Variants in ECHDC3 observed in about 807,000 individuals in gnomAD.
ECHDC3 encodes enoyl-CoA hydratase domain-containing protein 3, mitochondrial.
ECHDC3 carries 20 observed loss-of-function variants against 17.9 expected under a neutral mutation model. The ratio of observed to expected loss-of-function variants is 1.12; its 90% CI spans 0.79 to 1.63. The LOEUF (loss-of-function observed/expected upper bound fraction) is 1.63. Among genes scored for constraint, ECHDC3 ranks in the 40% most tolerant of loss-of-function variants. ECHDC3 has a pLI of 0.00. For synonymous variants in ECHDC3, 177 were observed against 149.7 expected (o/e 1.18, Z -1.33); for missense variants, 407 against 357.7 (o/e 1.14, Z -1.11).
chr10:11,760,862 C>G (rs1376371963), intron 4 of ECHDC3, among the ~76,000 whole-genome samples: 2 of 152,222 alleles, frequency 1.3e-5, no homozygotes, highest in Admixed American at 6.5e-5. Flanking sequence ...TTTTTAGCTC[C>G]TGGTTCAACC....
chr10:11,743,309 G>GT (rs1832717583), intron 1 of ECHDC3, among the ~76,000 whole-genome samples: 1 of 152,208 alleles, frequency 6.6e-6, no homozygotes, highest in Admixed American at 6.5e-5. Flanking sequence ...TGCGTACCGT[G>GT]TTTCAGCATG....
chr10:11,754,618 A>C (rs1485969148), intron 3 of ECHDC3, among the ~76,000 whole-genome samples: 1 of 152,088 alleles, frequency 6.6e-6, no homozygotes, highest in East Asian at 1.9e-4. Flanking sequence ...TTTCCACCTC[A>C]ATTTTTCAAG....
chr10:11,755,504 A>G lies in ECHDC3; in HGVS notation c.487A>G (p.Ile163Val). The change falls in exon 4 of 5, where the codon ATT (isoleucine) becomes GTT (valine). Residue 163 changes from isoleucine to valine, a missense_variant. Physicochemically the swap from Ile to Val is conservative, Grantham distance 29. Coordinates refer to ENST00000379215, the MANE Select transcript of ECHDC3 (RefSeq NM_024693.5). ...AGCQLVASCD[I>V]AVASDKSSFA... ...CTGTCAACTGGTTGCCAGCTGCGAC[A>G]TTGCCGTGGCGAGCGACAAGTCCTC... The G allele has an allele frequency of 2.5e-6, 4 of 1,614,068 alleles. No individual in the cohort carries two copies. Among genetic ancestry groups the G allele is most frequent in the Non-Finnish European group, 3.4e-6 (4 of 1,179,998 alleles).
At position 11,742,764 on chromosome 10, in the gene ECHDC3, C is replaced by T. The variant is rs570308078; in HGVS notation, c.170+18C>T. The stretch of plus-strand genomic sequence containing the variant: ...GGCATAAGGTCAGCCCCGGGCCGCG[C>T]GGGCTCCTCGCGTTGGTGCCGAGTC... On this transcript the variant is annotated intron_variant, in intron 1 of 4. Transcript: ENST00000379215. 2,147 of 1,225,114 alleles carry T rather than the reference C, an allele frequency of 1.8e-3. 6 individuals carry two copies. The highest frequency in any genetic ancestry group is 6.3e-3 in the Admixed American group (146 of 23,266). The allele number at this position is 1,225,114 out of a possible 1,614,324, so 75.9% of individuals were successfully genotyped here. A position where few individuals can be genotyped will look rare whatever the true frequency, so the allele number is the denominator to read the frequency against.
chr10:11,746,503 C>T (rs1257108916), intron 1 of ECHDC3, among the ~76,000 whole-genome samples: 1 of 152,062 alleles, frequency 6.6e-6, no homozygotes, highest in African/African-American at 2.4e-5. Context: ...CCTTTGTCAT[C>T]CACAAAGGAT....
At chr10:11,761,953 C>A (rs1564286169) in intron 4 of ECHDC3, among the ~76,000 whole-genome samples, 1 of 152,076 alleles carries the variant, frequency 6.6e-6, no homozygotes, top group Non-Finnish European at 1.5e-5. Context: ...AAAAAAATGG[C>A]CAGGCATGGT....
intron 2 of ECHDC3, among the ~76,000 whole-genome samples, chr10:11,749,156 C>T (rs1046413113): frequency 1.3e-5 from 2 of 152,190 alleles, no homozygotes; most frequent in Admixed American, 6.5e-5. Context: ...TCAATACACT[C>T]AGGCCAGAGC....
At chr10:11,746,355 A>T (rs947594281) in intron 1 of ECHDC3, among the ~76,000 whole-genome samples, 5 of 135,140 alleles carry the variant, frequency 3.7e-5, no homozygotes, top group African/African-American at 1.3e-4. Flanking sequence ...AAAAAAAAAA[A>T]GATGGAGTGG....
At chr10:11,759,305 G>A (rs1415581993) in intron 4 of ECHDC3, among the ~76,000 whole-genome samples, 1 of 151,094 alleles carries the variant, frequency 6.6e-6, no homozygotes, top group Non-Finnish European at 1.5e-5. Context: ...AGTGAGCCGA[G>A]GTCGTGCCAT....
Position 11,763,746 on chromosome 10 carries a change from A to T in ECHDC3, c.*202A>T. ...GGAGAGTGACTGAGGTGCTGACCTC[A>T]GTGCAAGGCTGGTGAACCCTGCAGC... On this transcript the variant is annotated 3_prime_UTR_variant, in exon 5 of 5. Transcript: ENST00000379215. This position sits in a 1 kb window ranked among gnomAD's most constrained non-coding sequence, Gnocchi z 4.9. 1 of 1,378,396 alleles carries T rather than the reference A, an allele frequency of 7.3e-7. No homozygotes were observed. Among genetic ancestry groups the T allele is most frequent in the Non-Finnish European group, 9.4e-7 (1 of 1,067,424 alleles). The allele number at this position is 1,378,396 out of a possible 1,614,324, so 85.4% of individuals were successfully genotyped here.
intron 1 of ECHDC3, among the ~76,000 whole-genome samples, chr10:11,744,198 C>G (rs1008793838): frequency 2.0e-5 from 3 of 152,200 alleles, no homozygotes; most frequent in South Asian, 2.1e-4. Context: ...TGTGAGGAAG[C>G]AAGTTCAGAG....
chr10:11,744,088 G>C (rs1212230567), intron 1 of ECHDC3, among the ~76,000 whole-genome samples: 2 of 152,220 alleles, frequency 1.3e-5, no homozygotes, highest in Admixed American at 6.5e-5. Flanking sequence ...CAGCACTGCT[G>C]TCATGGACCC....
At chr10:11,758,274 C>G (rs945329515) in intron 4 of ECHDC3, among the ~76,000 whole-genome samples, 1 of 152,180 alleles carries the variant, frequency 6.6e-6, no homozygotes, top group Non-Finnish European at 1.5e-5. Context: ...TTCTGGCACC[C>G]TATAAAACAC....
rs561980605 is a variant in ECHDC3, at chr10:11,748,375, T to A, written c.292+905T>A. ...CTGAGTAGCTGGGACTATAGGTGTGTGCCACTACACTCAGCTAATTTTTTA... is the reference window on the plus strand; with the variant it reads ...CTGAGTAGCTGGGACTATAGGTGTGAGCCACTACACTCAGCTAATTTTTTA... On this transcript the variant is annotated intron_variant, in intron 2 of 4. Transcript: ENST00000379215. Among the ~76,000 whole-genome samples the A allele has an allele frequency of 5.9e-5, 9 of 152,196 alleles. No individual in the cohort carries two copies. The East Asian group carries it at 1.7e-3, about 29-fold the overall frequency.
At chr10:11,750,071 C>T (rs979194389) in intron 3 of ECHDC3, among the ~76,000 whole-genome samples, 4 of 152,142 alleles carry the variant, frequency 2.6e-5, no homozygotes, top group African/African-American at 7.2e-5. Flanking sequence ...GCTGGGATTA[C>T]AGGCATGAGC....
At chr10:11,754,683 G>A (rs964590) in intron 3 of ECHDC3, among the ~76,000 whole-genome samples, 142,143 of 152,268 alleles carry the variant, frequency 0.93, 67,184 homozygotes, top group East Asian at 1. Context: ...CACAAGCACA[G>A]TGAGGACAGA....
intron 4 of ECHDC3, among the ~76,000 whole-genome samples, chr10:11,759,356 T>TAAAAA (rs151106517): frequency 1.2e-4 from 15 of 127,378 alleles, no homozygotes; most frequent in African/African-American, 4.4e-4. Flanking sequence ...CTCCATCTCT[T>TAAAAA]AAAAAAAAAA....
chr10:11,760,181 A>C (rs946730325), intron 4 of ECHDC3, among the ~76,000 whole-genome samples: 1 of 152,144 alleles, frequency 6.6e-6, no homozygotes, highest in African/African-American at 2.4e-5. Context: ...TGGCTTCTTC[A>C]CTGTGTCCCT....
chr10:11,756,998 A>C (rs927420074), intron 4 of ECHDC3, among the ~76,000 whole-genome samples: 5 of 152,198 alleles, frequency 3.3e-5, no homozygotes, highest in Admixed American at 1.3e-4. Flanking sequence ...GCCTCCCAAA[A>C]TGCTGGGATT....
Sources: allele counts gnomAD v4.1 joint callset (sites outside exome capture counted in the v4.1 genomes callset), GRCh38; gene constraint gnomAD v4.1.1; non-coding constraint Gnocchi (gnomAD v3.1); transcripts MANE v1.5; gene names NCBI Gene and HGNC (gene_info 2026-07-23, HGNC 2026-07-21).